The following DNM1 variants were observed in gnomAD, a reference collection of about 807,000 sequenced individuals.
The protein encoded by DNM1 is dynamin-1.
Under a neutral mutation model 104.6 loss-of-function variants are expected in DNM1, and 29 were observed. The ratio of observed to expected loss-of-function variants is 0.28; its 90% confidence interval spans 0.21 to 0.38. The LOEUF is 0.38. Among genes scored for constraint, DNM1 ranks in the 10% least tolerant of loss-of-function variants. The pLI, the probability that DNM1 is intolerant of heterozygous loss-of-function variation, is 1.00. For missense variants in DNM1, 640 were observed against 1,189.4 expected (o/e 0.54, Z 6.79); for synonymous variants, 445 against 475.8 (o/e 0.94, Z 0.84).
intron 1 of DNM1, among the ~76,000 whole-genome samples, chr9:128,207,919 G>A (rs903827455): frequency 2.0e-5 from 3 of 151,982 alleles, no homozygotes; most frequent in Non-Finnish European, 1.5e-5. Flanking sequence ...GGGGTCCTGA[G>A]GAGCGACCCT....
intron 1 of DNM1, among the ~76,000 whole-genome samples, chr9:128,208,810 G>A (rs1049810219): frequency 6.6e-6 from 1 of 152,172 alleles, no homozygotes; most frequent in Non-Finnish European, 1.5e-5. Context: ...GGGGAGGGGG[G>A]CTTTCTGGGC....
intron 1 of DNM1, among the ~76,000 whole-genome samples, chr9:128,216,989 C>T (rs1293351860): frequency 6.6e-6 from 1 of 152,226 alleles, no homozygotes; most frequent in African/African-American, 2.4e-5. Context: ...CACCCTTGTG[C>T]TTGCGCCAGC....
rs535456711 is a variant in DNM1 at position 128,219,267 on chromosome 9, G to A, written c.589+15G>A. The A allele has an allele frequency of 1.2e-5, 19 of 1,610,876 alleles. No homozygotes were observed. In the African/African-American group the frequency reaches 1.2e-4, roughly 10 times the overall value. ...GGACCCCCAGGGTAGGTTCCCACCC[G>A]GTGGCCAATGCACAAAACCCCAGGC... On this transcript the variant is annotated intron_variant, in intron 4 of 21. Coordinates refer to ENST00000372923, the MANE Select transcript of DNM1 (RefSeq NM_004408.4).
Position 128,222,367 on chromosome 9 carries a change from A to C in DNM1, c.992+28A>C. 1 of 1,608,832 alleles carries C rather than the reference A, an allele frequency of 6.2e-7. No individual in the cohort carries two copies. Among genetic ancestry groups the C allele is most frequent in the Non-Finnish European group, 8.5e-7 (1 of 1,176,394 alleles). ...GAGGCTCCCCCAGCTCCTATCACTG[A>C]ATCCCCGCCCCCAGCCTCTCAGCGT... On this transcript the variant is annotated intron_variant, in intron 7 of 21. Transcript: ENST00000372923. This position sits in a 1 kb window ranked among gnomAD's most constrained non-coding sequence, Gnocchi z 7.8.
At chr9:128,251,322 C>T in intron 21 of DNM1, 1 of 385,806 alleles carries the variant, frequency 2.6e-6, no homozygotes, top group South Asian at 1.9e-5. Flanking sequence ...CTCCCAGCCC[C>T]TGGGGAGCCT....
chr9:128,222,064 G>T lies in DNM1; in HGVS notation c.850-133G>T, dbSNP rs1409989701. The T allele has an allele frequency of 1.0e-5, 11 of 1,060,342 alleles. No homozygotes were observed. The highest frequency in any genetic ancestry group is 1.3e-5 in the Non-Finnish European group (10 of 741,224). 65.7% of individuals were successfully genotyped at this position (1,060,342 alleles called of 1,614,324 possible). On this transcript the variant is annotated intron_variant, in intron 6 of 21. Coordinates refer to ENST00000372923, the MANE Select transcript of DNM1 (RefSeq NM_004408.4). The surrounding 1 kb of genome is among the most constrained non-coding windows in gnomAD (Gnocchi z 7.8). Reference sequence around the variant, plus strand: ...CTATGAACCAGTTTTCTTGCTAGTGGCCCGGGCAGCAGTGGCAGGGCTGCC... The same window carrying T: ...CTATGAACCAGTTTTCTTGCTAGTGTCCCGGGCAGCAGTGGCAGGGCTGCC...
rs1835229201 is a variant in DNM1 at position 128,224,565 on chromosome 9, AC to A, written c.1335+180del. Among the ~76,000 whole-genome samples, 1 of 151,728 alleles carries A rather than the reference AC, an allele frequency of 6.6e-6. No individual in the cohort carries two copies. The highest frequency in any genetic ancestry group is 2.1e-4 in the South Asian group (1 of 4,798). ...ATGTGCCTCTGAGAGGGCCTCACCC[AC>A]CCCTGGCCCCCAGGTCTGGGGACCC... On this transcript the variant is annotated intron_variant, in intron 10 of 21. Transcript: ENST00000372923. This position sits in a 1 kb window ranked among gnomAD's most constrained non-coding sequence, Gnocchi z 4.3.
At chr9:128,250,062 A>AG in intron 19 of DNM1, 53 bp from the exon 20 acceptor site, 2 of 1,612,962 alleles carry the variant, frequency 1.2e-6, no homozygotes, top group South Asian at 2.2e-5. Context: ...TGGGGCGGCC[A>AG]GGGCGGCACA....
chr9:128,205,124 C>G (rs1371271537), intron 1 of DNM1, among the ~76,000 whole-genome samples: 1 of 152,154 alleles, frequency 6.6e-6, no homozygotes, highest in Non-Finnish European at 1.5e-5. Flanking sequence ...TGCAGAGCCC[C>G]CCTTCTGATC....
chr9:128,210,726 G>A (rs1834239608), intron 1 of DNM1, among the ~76,000 whole-genome samples: 2 of 152,218 alleles, frequency 1.3e-5, no homozygotes, highest in South Asian at 4.2e-4. Flanking sequence ...TTGAATCAGA[G>A]GCAGGCCAGG....
Position 128,248,876 on chromosome 9 carries a change from C to T in DNM1, c.2076+123C>T. The T allele has an allele frequency of 9.2e-7, 1 of 1,081,310 alleles. No individual in the cohort carries two copies. Among genetic ancestry groups the T allele is most frequent in the Non-Finnish European group, 1.4e-6 (1 of 731,002 alleles). 67.0% of individuals were successfully genotyped at this position (1,081,310 alleles called of 1,614,324 possible). A position where few individuals can be genotyped will look rare whatever the true frequency, so the allele number is the denominator to read the frequency against. ...CCAGGTCCAGGGAGGGAGGCACGGT[C>T]CAGACCAGAGCTGTCCAATAGAAAT... On this transcript the variant is annotated intron_variant, in intron 19 of 21. Coordinates refer to ENST00000372923, the MANE Select transcript of DNM1 (RefSeq NM_004408.4). This position sits in a 1 kb window ranked among gnomAD's most constrained non-coding sequence, Gnocchi z 5.6.
Position 128,248,589 on chromosome 9 carries a change from G to A in DNM1, c.1912G>A (p.Glu638Lys), listed in dbSNP as rs1588453144. The change falls in exon 19 of 22, where the codon GAG becomes AAG. Residue 638 changes from glutamate (E) to lysine (K), a missense_variant. Physicochemically the swap from Glu to Lys is moderately conservative, Grantham distance 56 (BLOSUM62 1). Coordinates refer to ENST00000372923, the MANE Select transcript of DNM1 (RefSeq NM_004408.4). This position sits in a 1 kb window ranked among gnomAD's most constrained non-coding sequence, Gnocchi z 5.6. ...CTTGTGTTCTCCATGGCAGGCCAGC[G>A]AGACCGAGGAGAATGGCTCCGACAG... ...ERVGDKEKAS[E>K]TEENGSDSFM... The A allele has an allele frequency of 1.2e-6, 2 of 1,613,340 alleles. No individual in the cohort carries two copies. Among genetic ancestry groups the A allele is most frequent in the Non-Finnish European group, 1.7e-6 (2 of 1,179,490 alleles).
intron 11 of DNM1, 85 bp from the exon 12 acceptor site, chr9:128,239,360 C>T (rs1442114124): frequency 2.0e-6 from 2 of 976,692 alleles, no homozygotes; most frequent in Non-Finnish European, 3.3e-6. Flanking sequence ...ATATGTGCTG[C>T]AAGTACTTTT....
chr9:128,226,038 G>A (rs770984106), intron 10 of DNM1: 2 of 1,612,500 alleles, frequency 1.2e-6, no homozygotes, highest in Non-Finnish European at 1.7e-6. Flanking sequence ...GGTGCAGGAC[G>A]GGCCTCTTCA....
At chr9:128,214,910 T>A (rs1388352156) in intron 1 of DNM1, among the ~76,000 whole-genome samples, 1 of 152,136 alleles carries the variant, frequency 6.6e-6, no homozygotes, top group Non-Finnish European at 1.5e-5. Context: ...CTAGTCTGGA[T>A]CCCCACTGGG....
chr9:128,253,128 G>A lies in DNM1; in HGVS notation c.2535-1526G>A, dbSNP rs778663435. The A allele has an allele frequency of 3.7e-6, 6 of 1,606,938 alleles. No individual in the cohort carries two copies. Among genetic ancestry groups the A allele is most frequent in the Admixed American group, 1.7e-5 (1 of 59,998 alleles). ...TCACTATCAGTGACCCCTGAGGAGCGTCAGCCATGGTAGGTACATGCCTCA... is the reference window on the plus strand; with the variant it reads ...TCACTATCAGTGACCCCTGAGGAGCATCAGCCATGGTAGGTACATGCCTCA... On this transcript the variant is annotated intron_variant, in intron 21 of 21. Transcript: ENST00000372923. The surrounding 1 kb of genome is among the most constrained non-coding windows in gnomAD (Gnocchi z 5.9).
chr9:128,252,884 G>A (rs1001453443), intron 21 of DNM1: 6 of 684,706 alleles, frequency 8.8e-6, no homozygotes, highest in African/African-American at 1.8e-5. Flanking sequence ...TGCTGCACGC[G>A]CCGCCGGCCA....
intron 19 of DNM1, among the ~76,000 whole-genome samples, chr9:128,249,774 G>A (rs1019912219): frequency 1.3e-5 from 2 of 151,912 alleles, no homozygotes; most frequent in Non-Finnish European, 2.9e-5. Flanking sequence ...TACAGTGAGT[G>A]GTAATCTCCC....
Position 128,254,675 on chromosome 9 carries a change from ATCCC to A in DNM1, c.2557_2560del (p.Ser853ValfsTer34). 1 of 1,595,660 alleles carries A rather than the reference ATCCC, an allele frequency of 6.3e-7. No individual in the cohort carries two copies. Among genetic ancestry groups the A allele is most frequent in the Non-Finnish European group, 8.5e-7 (1 of 1,179,518 alleles). On this transcript the variant is annotated frameshift_variant, in exon 22 of 22. Transcript: ENST00000372923. LOFTEE classifies it high-confidence loss of function. This position sits in a 1 kb window ranked among gnomAD's most constrained non-coding sequence, Gnocchi z 6.1. Reference sequence around the variant, plus strand: ...CCAGCCGATCGGGTCAGGCAAGTCCATCCCGTCCTGAGAGCCCCAGGCCCCCCTT... The same window carrying A: ...CCAGCCGATCGGGTCAGGCAAGTCCAGTCCTGAGAGCCCCAGGCCCCCCTT...
Sources: allele counts gnomAD v4.1 joint callset (sites outside exome capture counted in the v4.1 genomes callset), GRCh38; gene constraint gnomAD v4.1.1; non-coding constraint Gnocchi (gnomAD v3.1); transcripts MANE v1.5; gene names NCBI Gene and HGNC (gene_info 2026-07-23, HGNC 2026-07-21).